The following SEL1L3 variants were observed in gnomAD, a reference collection of about 807,000 sequenced individuals.
SEL1L3 encodes protein sel-1 homolog 3.
Under a neutral mutation model 142.8 loss-of-function variants are expected in SEL1L3, and 76 were observed. The ratio of observed to expected loss-of-function variants is 0.53; its 90% CI spans 0.44 to 0.64. The LOEUF (loss-of-function observed/expected upper bound fraction) is 0.64, where lower values mean the gene tolerates loss of function less well. Ranked by LOEUF, SEL1L3 falls within the 30% of genes least tolerant of loss-of-function variation. The probability of loss-of-function intolerance (pLI) is 0.00; values close to 1 mark genes in which losing one functional copy is unlikely to be tolerated. For missense variants in SEL1L3, 1,262 were observed against 1,381.7 expected (o/e 0.91, Z 1.37); for synonymous variants, 504 against 519.6 (o/e 0.97, Z 0.41).
Position 25,822,091 on chromosome 4 carries a change from A to G in SEL1L3, c.1195T>C (p.Tyr399His). The G allele has an allele frequency of 6.2e-7, 1 of 1,613,840 alleles. No individual in the cohort carries two copies. The highest frequency in any genetic ancestry group is 1.1e-5 in the South Asian group (1 of 91,070). Residue 399 changes from tyrosine to histidine, a missense_variant, in exon 7 of 24, where the codon TAC becomes CAC. Physicochemically the swap from Tyr to His is moderately conservative, Grantham distance 83. Coordinates refer to ENST00000399878, the MANE Select transcript of SEL1L3 (RefSeq NM_015187.5). Reference sequence around the variant, plus strand: ...TACCTGCTCCCTCCAATAATGAAGTACCCAGCTGTGTCATTATAATGGAAA... The same window carrying G: ...TACCTGCTCCCTCCAATAATGAAGTGCCCAGCTGTGTCATTATAATGGAAA... ...EDFHYNDTAG[Y>H]FIIGGSRYVA...
chr4:25,839,579 A>G (rs1029593517), intron 2 of SEL1L3, among the ~76,000 whole-genome samples: 1 of 152,218 alleles, frequency 6.6e-6, no homozygotes, highest in Non-Finnish European at 1.5e-5. Context: ...CTGTTTCTAG[A>G]ATCCTCTCAT....
intron 20 of SEL1L3, among the ~76,000 whole-genome samples, chr4:25,763,802 C>T (rs529537790): frequency 2.6e-4 from 39 of 152,284 alleles, no homozygotes; most frequent in African/African-American, 9.4e-4. Flanking sequence ...TGTGCCACTG[C>T]ATTTCAGCCT....
At chr4:25,764,075 C>T (rs1370650999) in intron 20 of SEL1L3, among the ~76,000 whole-genome samples, 1 of 152,266 alleles carries the variant, frequency 6.6e-6, no homozygotes, top group East Asian at 1.9e-4. Context: ...GTTAGAACAG[C>T]ATGGTAATAA....
chr4:25,753,928 G>A (rs1327237512), intron 23 of SEL1L3, among the ~76,000 whole-genome samples: 2 of 151,968 alleles, frequency 1.3e-5, no homozygotes, highest in Admixed American at 6.6e-5. Flanking sequence ...AGGTTGCAGT[G>A]AGCTGAGATT....
the SEL1L3 span, chr4:25,720,682 G>A: frequency 1.3e-5 from 2 of 152,148 alleles, no homozygotes; most frequent in African/African-American, 2.4e-5. Context: ...TGAAATCCGC[G>A]AAAGCCTGTG....
chr4:25,778,233 A>T (rs755180411), intron 16 of SEL1L3, among the ~76,000 whole-genome samples: 8 of 152,218 alleles, frequency 5.3e-5, no homozygotes, highest in Non-Finnish European at 1.2e-4. Context: ...ACACAGATGG[A>T]GGGAAAGTAA....
chr4:25,828,622 G>T (rs1048791594), intron 6 of SEL1L3, among the ~76,000 whole-genome samples: 1 of 152,070 alleles, frequency 6.6e-6, no homozygotes, highest in African/African-American at 2.4e-5. Flanking sequence ...CTTGCCTCAT[G>T]TGATTCACCC....
chr4:25,863,379 T>A (rs1454378052), upstream of SEL1L3: 5 of 676,588 alleles, frequency 7.4e-6, no homozygotes, highest in Non-Finnish European at 1.1e-5. Context: ...CTCCCTTTCC[T>A]CTTTCTCCCT....
At chr4:25,753,147 A>G (rs1717710731) in intron 23 of SEL1L3, among the ~76,000 whole-genome samples, 1 of 152,264 alleles carries the variant, frequency 6.6e-6, no homozygotes, top group Admixed American at 6.5e-5. Context: ...AGCCTTCTGA[A>G]TGCAGGACAA....
At chr4:25,791,492 G>A (rs146717845) in intron 11 of SEL1L3, among the ~76,000 whole-genome samples, 2 of 152,338 alleles carry the variant, frequency 1.3e-5, no homozygotes, top group African/African-American at 2.4e-5. Flanking sequence ...TATACATAAT[G>A]AAGTCGCTCT....
intron 11 of SEL1L3, among the ~76,000 whole-genome samples, chr4:25,800,978 T>C (rs1713144373): frequency 6.6e-6 from 1 of 152,250 alleles, no homozygotes; most frequent in Non-Finnish European, 1.5e-5. Flanking sequence ...TGAGGATTTC[T>C]GAGCCCAATC....
chr4:25,718,328 T>C, the SEL1L3 span: 1 of 152,196 alleles, frequency 6.6e-6, no homozygotes, highest in Non-Finnish European at 1.5e-5. Flanking sequence ...AGAGTTCTCC[T>C]GCTAGATTAA....
At chr4:25,730,764 C>G in the SEL1L3 span, among the ~76,000 whole-genome samples, 1 of 152,266 alleles carries the variant, frequency 6.6e-6, no homozygotes, top group East Asian at 1.9e-4. Flanking sequence ...CACGGTGGCT[C>G]ACGCCTGTAA....
chr4:25,826,169 T>C (rs367613672), intron 6 of SEL1L3, among the ~76,000 whole-genome samples: 14 of 152,364 alleles, frequency 9.2e-5, no homozygotes, highest in African/African-American at 3.4e-4. Context: ...AGTTGAGTGC[T>C]GTGTCTGGCA....
chr4:25,795,015 T>C (rs148865081), intron 11 of SEL1L3, among the ~76,000 whole-genome samples: 432 of 117,834 alleles, frequency 3.7e-3, no homozygotes, highest in African/African-American at 0.013. Flanking sequence ...TGAGAATACA[T>C]GGACACAGGG....
chr4:25,741,237 T>C, the SEL1L3 span, among the ~76,000 whole-genome samples: 1 of 151,968 alleles, frequency 6.6e-6, no homozygotes, highest in Non-Finnish European at 1.5e-5. Flanking sequence ...CCTGAATACC[T>C]GGATTACAGG....
Position 25,802,298 on chromosome 4 carries a change from T to G in SEL1L3, c.1941A>C (p.Thr647=). 1 of 1,613,116 alleles carries G rather than the reference T, an allele frequency of 6.2e-7. No homozygotes were observed. The highest frequency in any genetic ancestry group is 2.2e-5 in the East Asian group (1 of 44,864). ...IATKTPLDQH[T]LQGDQAYVET... The stretch of plus-strand genomic sequence containing the variant: ...TCTCTCATACCTGATCTCCTTGCAG[T>G]GTGTGCTGGTCAAGGGGTGTCTTGG... The change falls in exon 11 of 24, where the codon ACA becomes ACC. Residue 647 remains threonine, a synonymous_variant. Transcript: ENST00000399878.
At chr4:25,827,763 C>A (rs1376086429) in intron 6 of SEL1L3, among the ~76,000 whole-genome samples, 1 of 152,156 alleles carries the variant, frequency 6.6e-6, no homozygotes, top group East Asian at 1.9e-4. Context: ...GAAACTCTTA[C>A]AAAGAAAATG....
At position 25,757,601 on chromosome 4, in the gene SEL1L3, G is replaced by A; in HGVS notation, c.3192C>T (p.Tyr1064=). The part of the protein sequence containing the change: ...WGAILHSALI[Y]FLGTFLLSIL... ...TGGATAGCAGAAAGGTTCCCAGAAA[G>A]TAGATCTGCAAACATCAGAAGCACG... Residue 1064 remains tyrosine (Y), a synonymous_variant, in exon 23 of 24, where the codon TAC becomes TAT. Coordinates refer to ENST00000399878, the MANE Select transcript of SEL1L3 (RefSeq NM_015187.5). 1 of 1,553,058 alleles carries A rather than the reference G, an allele frequency of 6.4e-7. No individual in the cohort carries two copies. Among genetic ancestry groups the A allele is most frequent in the Non-Finnish European group, 8.7e-7 (1 of 1,148,014 alleles).
Sources: allele counts gnomAD v4.1 joint callset (sites outside exome capture counted in the v4.1 genomes callset), GRCh38; gene constraint gnomAD v4.1.1; transcripts MANE v1.5; gene names NCBI Gene and HGNC (gene_info 2026-07-23, HGNC 2026-07-21).